MUC5AC: variants seen among roughly 807,000 people sequenced by gnomAD.
The protein encoded by MUC5AC is mucin-5AC.
Under a neutral mutation model 169.7 loss-of-function variants are expected in MUC5AC, and 158 were observed. The observed-to-expected ratio is 0.93, with a 90% CI of 0.82 to 1.06. MUC5AC has a LOEUF of 1.06. MUC5AC is among the 50% of genes least tolerant of loss of function. MUC5AC has a pLI of 0.00. For missense variants in MUC5AC, 4,359 were observed against 3,089.9 expected, an observed-to-expected ratio of 1.41 and a Z score of -9.74; for synonymous variants, 1,975 against 1,237.0, an observed-to-expected ratio of 1.60 and a Z score of -12.52.
At position 1,184,137 on chromosome 11, in the gene MUC5AC, C is replaced by G. The variant is rs1203088655; in HGVS notation, c.5992C>G (p.Arg1998Gly). The G allele has an allele frequency of 2.5e-6, 1 of 399,026 alleles. No individual in the cohort carries two copies. Among genetic ancestry groups the G allele is most frequent in the Admixed American group, 4.4e-5 (1 of 22,766 alleles). The allele number at this position is 399,026 out of a possible 1,614,324, so 24.7% of individuals were successfully genotyped here. The change falls in exon 31 of 49, where the codon CGG becomes GGG. Residue 1998 changes from arginine (R) to glycine (G), a missense_variant. Coordinates refer to ENST00000621226, the MANE Select transcript of MUC5AC (RefSeq NM_001304359.2). ...FCESPRSVQC[R>G]AESFPNTPLA... ...TGAAAGTCCTCGAAGCGTGCAGTGCCGGGCAGAGAGCTTCCCCAACACGCC... is the reference window on the plus strand; with the variant it reads ...TGAAAGTCCTCGAAGCGTGCAGTGCGGGGCAGAGAGCTTCCCCAACACGCC...
chr11:1,197,480 G>A lies in MUC5AC; in HGVS notation c.15874G>A (p.Val5292Ile), dbSNP rs756178176. Residue 5292 changes from valine (V) to isoleucine (I), a missense_variant, in exon 41 of 49, where the codon GTC becomes ATC. Physicochemically the swap from Val to Ile is conservative, Grantham distance 29. Coordinates refer to ENST00000621226, the MANE Select transcript of MUC5AC (RefSeq NM_001304359.2). ...HGEPVKVGHT[V>I]GMDCQECTCE... is the part of the protein sequence containing the mutation. ...CCCTTCCTTGCAGGTGGGCCACACCGTCGGCATGGACTGCCAGGAGTGCAC... is the reference window on the plus strand; with the variant it reads ...CCCTTCCTTGCAGGTGGGCCACACCATCGGCATGGACTGCCAGGAGTGCAC... 12 of 714,054 alleles carry A rather than the reference G, an allele frequency of 1.7e-5. No homozygotes were observed. The highest frequency in any genetic ancestry group is 8.7e-5 in the African/African-American group (5 of 57,788). 44.2% of individuals were successfully genotyped at this position (714,054 alleles called of 1,614,324 possible).
rs1331987628 is a variant in MUC5AC at position 1,172,440 on chromosome 11, C to G, written c.1882C>G (p.Gln628Glu). 2.5e-6 allele frequency: 1 copy of G among 398,588 alleles called. No homozygotes were observed. The highest frequency in any genetic ancestry group is 4.4e-6 in the Non-Finnish European group (1 of 226,100). 24.7% of individuals were successfully genotyped at this position (398,588 alleles called of 1,614,324 possible). A position where few individuals can be genotyped will look rare whatever the true frequency, so the allele number is the denominator to read the frequency against. Residue 628 changes from glutamine to glutamate, a missense_variant, in exon 16 of 49, where the codon CAG becomes GAG. Gln to Glu is a conservative substitution (Grantham distance 29, BLOSUM62 2). Transcript: ENST00000621226. Reference sequence around the variant, plus strand: ...TCCTCTGTCCACAGAGAAGTATGCTCAGCACTGGTGCTCGCAGCTGACCGA... The same window carrying G: ...TCCTCTGTCCACAGAGAAGTATGCTGAGCACTGGTGCTCGCAGCTGACCGA... ...SLSVENEKYA[Q>E]HWCSQLTDAD...
At chr11:1,160,307 G>A (rs927720450) in intron 1 of MUC5AC, among the ~76,000 whole-genome samples, 1 of 151,926 alleles carries the variant, frequency 6.6e-6, no homozygotes, top group East Asian at 1.9e-4. Context: ...GGCCTGGCAC[G>A]CTTGGCAGTG....
chr11:1,189,508 T>TAACCAGCACAATCTCTGCCCCTAC lies in MUC5AC; in HGVS notation c.11375_11398dup (p.Ile3792_Thr3799dup), dbSNP rs1861033616. 1.4e-5 allele frequency: 7 copies of TAACCAGCACAATCTCTGCCCCTAC among 506,292 alleles called. No homozygotes were observed. In the East Asian group the frequency reaches 2.1e-4, roughly 15 times the overall value. 31.4% of individuals were successfully genotyped at this position (506,292 alleles called of 1,614,324 possible). A position where few individuals can be genotyped will look rare whatever the true frequency, so the allele number is the denominator to read the frequency against. ...ACAACTAGCACTACCTCTGCTCCCA[T>TAACCAGCACAATCTCTGCCCCTAC]AACCAGCACAATCTCTGCCCCTACA... On this transcript the variant is annotated inframe_insertion, in exon 31 of 49. Coordinates refer to ENST00000621226, the MANE Select transcript of MUC5AC (RefSeq NM_001304359.2).
At position 1,181,328 on chromosome 11, in the gene MUC5AC, C is replaced by T. The variant is rs1395830102; in HGVS notation, c.3878C>T (p.Thr1293Met). Residue 1293 changes from threonine to methionine, a missense_variant, in exon 30 of 49, where the codon ACG becomes ATG. Physicochemically the swap from Thr to Met is moderately conservative, Grantham distance 81 (BLOSUM62 -1). Transcript: ENST00000621226. ...RFHPGDVIYHTTDGTGGCISA... is the reference protein window; with the variant it reads ...RFHPGDVIYHMTDGTGGCISA... ...CACCCAGGGGACGTCATCTACCACA[C>T]GACGGATGGCACGGGTGGCTGCATC... 1 of 398,696 alleles carries T rather than the reference C, an allele frequency of 2.5e-6. No individual in the cohort carries two copies. Among genetic ancestry groups the T allele is most frequent in the Non-Finnish European group, 4.4e-6 (1 of 226,150 alleles). 24.7% of individuals were successfully genotyped at this position (398,696 alleles called of 1,614,324 possible).
chr11:1,161,193 G>T (rs1015233467), intron 2 of MUC5AC, among the ~76,000 whole-genome samples: 1 of 152,222 alleles, frequency 6.6e-6, no homozygotes, highest in Non-Finnish European at 1.5e-5. Flanking sequence ...GGGCCAGACA[G>T]GCCTAATCTC....
chr11:1,186,854 TCCTACAACCAGCACAACCTCTGCC>T lies in MUC5AC; in HGVS notation c.8741_8764del (p.Thr2914_Thr2921del), dbSNP rs1860961618. 2.0e-5 allele frequency: 14 copies of T among 709,018 alleles called. No individual in the cohort carries two copies. Among genetic ancestry groups the T allele is most frequent in the African/African-American group, 4.0e-5 (2 of 50,630 alleles). The allele number at this position is 709,018 out of a possible 1,614,324, so 43.9% of individuals were successfully genotyped here. A position where few individuals can be genotyped will look rare whatever the true frequency, so the allele number is the denominator to read the frequency against. The stretch of plus-strand genomic sequence containing the variant: ...CTCCTACAACCAGAACAACCTCTGC[TCCTACAACCAGCACAACCTCTGCC>T]CCTACAACCAGCACAACCTCTGCCC... On this transcript the variant is annotated inframe_deletion, in exon 31 of 49. Transcript: ENST00000621226.
rs980241274 is a variant in MUC5AC at position 1,178,315 on chromosome 11, C to T, written c.3088-129C>T. 1.0e-4 allele frequency: 40 copies of T among 398,952 alleles called. No homozygotes were observed. The East Asian group carries it at 1.4e-3, about 14-fold the overall frequency. The allele number at this position is 398,952 out of a possible 1,614,324, so 24.7% of individuals were successfully genotyped here. On this transcript the variant is annotated intron_variant, in intron 24 of 48. Coordinates refer to ENST00000621226, the MANE Select transcript of MUC5AC (RefSeq NM_001304359.2). The stretch of plus-strand genomic sequence containing the variant: ...AAGCAGCACCTGTGGTCGCTGTTGG[C>T]CACCTGGGTGGGAGGAGGCGGCCGC...
chr11:1,186,920 C>A lies in MUC5AC; in HGVS notation c.8775C>A (p.Thr2925=). 1.4e-6 allele frequency: 1 copy of A among 724,132 alleles called. No individual in the cohort carries two copies. Among genetic ancestry groups the A allele is most frequent in the East Asian group, 2.6e-5 (1 of 38,912 alleles). The allele number at this position is 724,132 out of a possible 1,614,324, so 44.9% of individuals were successfully genotyped here. ...STTSAPTSST[T]SATTTSTISV... ...CCTCTGCCCCTACAAGCAGCACAAC[C>A]TCAGCTACTACAACCAGCACAATCT... Residue 2925 remains threonine (T), a synonymous_variant, in exon 31 of 49, where the codon ACC becomes ACA. Coordinates refer to ENST00000621226, the MANE Select transcript of MUC5AC (RefSeq NM_001304359.2).
Position 1,162,976 on chromosome 11 carries a change from G to A in MUC5AC, c.610G>A (p.Ala204Thr), listed in dbSNP as rs756236901. Residue 204 changes from alanine (A) to threonine (T), a missense_variant, in exon 6 of 49, where the codon GCC becomes ACC. Transcript: ENST00000621226. ...GCAGCTGGAGCTGGACACCAAATAC[G>A]CCAACAAGACCTGTGGGCTCTGTGG... The part of the protein sequence containing the change: ...SLLLELDTKY[A>T]NKTCGLCGDF... 47 of 1,612,544 alleles carry A rather than the reference G, an allele frequency of 2.9e-5. No individual in the cohort carries two copies. The highest frequency in any genetic ancestry group is 7.7e-5 in the South Asian group (7 of 91,086).
rs1488807605 is a variant in MUC5AC, at chr11:1,196,008, C to A, written c.15591C>A (p.Ser5197=). The change falls in exon 37 of 49, where the codon TCC becomes TCA. Residue 5197 remains serine (S), a synonymous_variant. Transcript: ENST00000621226. Reference sequence around the variant, plus strand: ...AGCTGTACGCGGCACTCTGTGCGTCCCACGACATCTGCATCGATTGGAGAG... The same window carrying A: ...AGCTGTACGCGGCACTCTGTGCGTCACACGACATCTGCATCGATTGGAGAG... ...SLELYAALCA[S]HDICIDWRGR... 1 of 764,914 alleles carries A rather than the reference C, an allele frequency of 1.3e-6. No homozygotes were observed. The highest frequency in any genetic ancestry group is 2.4e-6 in the Non-Finnish European group (1 of 417,794). 47.4% of individuals were successfully genotyped at this position (764,914 alleles called of 1,614,324 possible).
At chr11:1,176,758 C>T (rs1447027011) in intron 21 of MUC5AC, 93 bp downstream of exon 21, 16 of 398,358 alleles carry the variant, frequency 4.0e-5, no homozygotes, top group East Asian at 3.2e-4. Flanking sequence ...ACAGGGGTCC[C>T]GGGAAAACGC....
chr11:1,188,486 C>T lies in MUC5AC; in HGVS notation c.10341C>T (p.Thr3447=). 1 of 697,200 alleles carries T rather than the reference C, an allele frequency of 1.4e-6. No individual in the cohort carries two copies. The highest frequency in any genetic ancestry group is 2.6e-6 in the Non-Finnish European group (1 of 381,930). 43.2% of individuals were successfully genotyped at this position (697,200 alleles called of 1,614,324 possible). The change falls in exon 31 of 49, where the codon ACC becomes ACT. Residue 3447 remains threonine (T), a synonymous_variant. Transcript: ENST00000621226. ...CCTCTTCCCCTACAACCAGCACAAC[C>T]TCTGCTACTACAACCAGCACAACCT... is the stretch of plus-strand genomic sequence containing the variant. ...STTSSPTTST[T]SATTTSTTSA...
At chr11:1,196,170 C>A in intron 37 of MUC5AC, 116 bp downstream of exon 37, 1 of 624,078 alleles carries the variant, frequency 1.6e-6, no homozygotes. Flanking sequence ...GAGGAGGGGG[C>A]AGCCCCAGGG....
Position 1,165,373 on chromosome 11 carries a change from G to T in MUC5AC, c.1201G>T (p.Ala401Ser), listed in dbSNP as rs774898575. 6.2e-7 allele frequency: 1 copy of T among 1,612,312 alleles called. No homozygotes were observed. Among genetic ancestry groups the T allele is most frequent in the Admixed American group, 1.7e-5 (1 of 60,002 alleles). ...AAAGTGTGCCTGCGTCTACAACGGG[G>T]CTGCCTATGCCCCAGGGGCCACCTA... ...VSKCACVYNGAAYAPGATYST... is the reference protein window; with the variant it reads ...VSKCACVYNGSAYAPGATYST... The change falls in exon 10 of 49, where the codon GCT becomes TCT. Residue 401 changes from alanine (A) to serine (S), a missense_variant. Transcript: ENST00000621226.
chr11:1,192,591 C>A, intron 31 of MUC5AC, 66 bp downstream of exon 31: 1 of 736,124 alleles, frequency 1.4e-6, no homozygotes, highest in South Asian at 1.5e-5. Flanking sequence ...TCCAGGAACG[C>A]CAAGCTGTGA....
chr11:1,197,455 C>T lies in MUC5AC; in HGVS notation c.15862-13C>T, dbSNP rs1226483423. ...CCGCTGCGGACGCTGGACCTCAGTC[C>T]CCTTCCTTGCAGGTGGGCCACACCG... On this transcript the variant is annotated splice_polypyrimidine_tract_variant and intron_variant, in intron 40 of 48. Coordinates refer to ENST00000621226, the MANE Select transcript of MUC5AC (RefSeq NM_001304359.2). The T allele has an allele frequency of 5.7e-6, 4 of 706,688 alleles. No individual in the cohort carries two copies. The highest frequency in any genetic ancestry group is 1.0e-5 in the Non-Finnish European group (4 of 388,662). The allele number at this position is 706,688 out of a possible 1,614,324, so 43.8% of individuals were successfully genotyped here.
intron 1 of MUC5AC, among the ~76,000 whole-genome samples, chr11:1,159,568 C>T (rs1174111256): frequency 0.81 from 10,844 of 13,418 alleles, 4,779 homozygotes; most frequent in Non-Finnish European, 0.91. Flanking sequence ...CGGGGCTGTG[C>T]GGGGCTGTGC....
At chr11:1,170,759 GCCCACTCA>G (rs1257193000) in intron 15 of MUC5AC, among the ~76,000 whole-genome samples, 5,702 of 39,424 alleles carry the variant, frequency 0.14, 9 homozygotes, top group Non-Finnish European at 0.19. Flanking sequence ...TCACTCACTC[GCCCACTCA>G]CCCACTCACC....
Sources: gnomAD v4.1 joint callset for allele counts (sites outside exome capture counted in the v4.1 genomes callset) on GRCh38, gnomAD v4.1.1 for gene constraint, MANE v1.5 for transcripts, NCBI Gene and HGNC (gene_info 2026-07-23, HGNC 2026-07-21) for gene names.